MALRD1: variants seen among roughly 807,000 people sequenced by gnomAD.
MALRD1 encodes the protein MAM and LDL-receptor class A domain-containing protein 1.
Under a neutral mutation model 242.1 loss-of-function variants are expected in MALRD1, and 247 were observed. The observed-to-expected ratio is 1.02, with a 90% CI of 0.92 to 1.13. The LOEUF is 1.13. MALRD1 is among the 50% of genes most tolerant of loss of function. The pLI is 0.00. For synonymous variants in MALRD1, 995 were observed against 866.6 expected, an observed-to-expected ratio of 1.15 and a Z score of -2.60; for missense variants, 2,989 against 2,533.1, an observed-to-expected ratio of 1.18 and a Z score of -3.86.
At chr10:19,103,894 G>A in intron 4 of MALRD1, 85 bp from the exon 5 acceptor site, 1 of 753,884 alleles carries the variant, frequency 1.3e-6, no homozygotes, top group Non-Finnish European at 1.8e-6. Flanking sequence ...GCTTCCTATT[G>A]CAGGCTCTCT....
At chr10:19,148,786 A>ATATATATATATATATATATATATAT (rs1220802758) in intron 11 of MALRD1, among the ~76,000 whole-genome samples, 3 of 68,192 alleles carry the variant, frequency 4.4e-5, no homozygotes, top group Admixed American at 1.2e-4. Flanking sequence ...AAAAAAAAAA[A>ATATATATATATATATATATATATAT]AAATATATAT....
At chr10:19,135,336 A>G (rs569632412) in intron 9 of MALRD1, among the ~76,000 whole-genome samples, 13 of 152,152 alleles carry the variant, frequency 8.5e-5, no homozygotes, top group African/African-American at 2.4e-4. Flanking sequence ...TTGTATTTTT[A>G]GTAGAGATGG....
chr10:19,267,940 G>A (rs965634230), intron 19 of MALRD1, among the ~76,000 whole-genome samples: 5 of 152,062 alleles, frequency 3.3e-5, no homozygotes, highest in South Asian at 2.1e-4. Context: ...CAAAGTCTGC[G>A]ATATGTTCAA....
intron 18 of MALRD1, among the ~76,000 whole-genome samples, chr10:19,237,701 A>G (rs1838416018): frequency 8.7e-6 from 1 of 114,612 alleles, no homozygotes; most frequent in Non-Finnish European, 1.7e-5. Context: ...TAAATACATA[A>G]TTATATATAT....
intron 39 of MALRD1, among the ~76,000 whole-genome samples, chr10:19,731,898 A>T (rs1388011785): frequency 6.6e-6 from 1 of 152,218 alleles, no homozygotes; most frequent in East Asian, 1.9e-4. Context: ...TATGAAAATG[A>T]GTAGCAAGGT....
At chr10:19,178,786 C>T (rs1835368583) in intron 14 of MALRD1, among the ~76,000 whole-genome samples, 1 of 152,128 alleles carries the variant, frequency 6.6e-6, no homozygotes, top group African/African-American at 2.4e-5. Context: ...GGAAGATACG[C>T]GATTTTCCAA....
intron 18 of MALRD1, among the ~76,000 whole-genome samples, chr10:19,223,971 C>G (rs1837672501): frequency 6.6e-6 from 1 of 152,102 alleles, no homozygotes; most frequent in East Asian, 1.9e-4. Context: ...GGGTTGGTTC[C>G]TAGTCTTTTC....
Position 19,136,632 on chromosome 10 carries a change from G to A in MALRD1, c.1262G>A (p.Trp421Ter). 8 of 1,231,586 alleles carry A rather than the reference G, an allele frequency of 6.5e-6. No individual in the cohort carries two copies. The highest frequency in any genetic ancestry group is 8.1e-6 in the Non-Finnish European group (8 of 987,946). The allele number at this position is 1,231,586 out of a possible 1,614,324, so 76.3% of individuals were successfully genotyped here. A position where few individuals can be genotyped will look rare whatever the true frequency, so the allele number is the denominator to read the frequency against. The change falls in exon 10 of 40, where the codon TGG becomes TAG. Residue 421 changes from tryptophan (W) to a stop codon, truncating the protein, a stop_gained. Transcript: ENST00000454679. LOFTEE classifies it high-confidence loss of function. ...AGTTTTATTGCCCTTGATCACCTCT[G>A]GGTCTATGCCTGTGGACAGACCCAA... ...QRSFIALDHL[W>*]VYACGQTQSR...
intron 38 of MALRD1, among the ~76,000 whole-genome samples, chr10:19,697,696 C>T (rs1402122586): frequency 1.3e-5 from 2 of 152,154 alleles, no homozygotes; most frequent in South Asian, 2.1e-4. Flanking sequence ...ATATTGGTGG[C>T]ATTATGCCAC....
intron 36 of MALRD1, among the ~76,000 whole-genome samples, chr10:19,640,724 A>C (rs1472550468): frequency 1.3e-5 from 2 of 152,138 alleles, no homozygotes; most frequent in Non-Finnish European, 1.5e-5. Context: ...TTTCTTTTAA[A>C]ATTTCATTTT....
At chr10:19,313,341 A>G (rs1333531424) in intron 21 of MALRD1, among the ~76,000 whole-genome samples, 1 of 151,432 alleles carries the variant, frequency 6.6e-6, no homozygotes, top group Non-Finnish European at 1.5e-5. Context: ...TAAGCAATTA[A>G]CTTAAAAGCC....
Position 19,275,830 on chromosome 10 carries a change from A to T in MALRD1, c.3080-4217A>T, listed in dbSNP as rs565867014. On this transcript the variant is annotated intron_variant, in intron 19 of 39. Coordinates refer to ENST00000454679, the MANE Select transcript of MALRD1 (RefSeq NM_001142308.3). The stretch of plus-strand genomic sequence containing the variant: ...TAGCTGTTTATTGAAGTTTCTGTGT[A>T]TTAAGGTAAGATGATTAATTGTAAA... Among the ~76,000 whole-genome samples the T allele has an allele frequency of 2.6e-5, 4 of 152,312 alleles. No individual in the cohort carries two copies. The South Asian group carries it at 8.3e-4, about 32-fold the overall frequency.
rs115694771 is a variant in MALRD1 at position 19,164,446 on chromosome 10, A to G, written c.1657-1191A>G. 8.6e-3 allele frequency among the ~76,000 whole-genome samples: 1,314 copies of G among 152,308 alleles called. 13 individuals carry two copies. The highest frequency in any genetic ancestry group is 0.03 in the African/African-American group (1,245 of 41,572). On this transcript the variant is annotated intron_variant, in intron 12 of 39. Transcript: ENST00000454679. The stretch of plus-strand genomic sequence containing the variant: ...TTTTTTAAAAAGAATTTAAAATATA[A>G]TGAACCTGAAAAAATGTCACTGAAT...
intron 21 of MALRD1, among the ~76,000 whole-genome samples, chr10:19,297,945 A>G (rs543256544): frequency 6.6e-6 from 1 of 152,158 alleles, no homozygotes; most frequent in East Asian, 1.9e-4. Context: ...ATAAATGATT[A>G]TTTTATTATA....
intron 28 of MALRD1, among the ~76,000 whole-genome samples, chr10:19,422,478 A>G: frequency 6.6e-6 from 1 of 152,194 alleles, no homozygotes; most frequent in East Asian, 1.9e-4. Flanking sequence ...GACAAAATGT[A>G]AGAGAGGATA....
intron 5 of MALRD1, among the ~76,000 whole-genome samples, chr10:19,110,341 A>T (rs932508361): frequency 6.6e-6 from 1 of 152,214 alleles, no homozygotes. Context: ...AGCTGCTTCT[A>T]ACACTGGAAC....
At chr10:19,182,214 G>A (rs190087255) in intron 14 of MALRD1, among the ~76,000 whole-genome samples, 50 of 151,344 alleles carry the variant, frequency 3.3e-4, no homozygotes, top group Non-Finnish European at 6.0e-4. Flanking sequence ...CTTTTAATCA[G>A]CAAAACAAAT....
Position 19,734,221 on chromosome 10 carries a change from C to T in MALRD1, c.6455C>T (p.Ser2152Leu), listed in dbSNP as rs1018952357. The T allele has an allele frequency of 5.2e-6, 8 of 1,535,620 alleles. No individual in the cohort carries two copies. Among genetic ancestry groups the T allele is most frequent in the East Asian group, 2.4e-5 (1 of 40,896 alleles). ...ACATCAGGAAGCCTGGAGACCCTGT[C>T]ACATCATCTCAAATAGCAGCATCGA... ...GTTSGSLETL[S>L]HHLK Residue 2152 changes from serine (S) to leucine (L), a missense_variant, in exon 40 of 40, where the codon TCA becomes TTA. Coordinates refer to ENST00000454679, the MANE Select transcript of MALRD1 (RefSeq NM_001142308.3).
intron 4 of MALRD1, among the ~76,000 whole-genome samples, chr10:19,100,125 C>T (rs1177927706): frequency 1.3e-5 from 2 of 151,932 alleles, no homozygotes; most frequent in East Asian, 3.9e-4. Context: ...CAGATTGTAA[C>T]CCAAATCCTT....
Sources: gnomAD v4.1 joint callset for allele counts (sites outside exome capture counted in the v4.1 genomes callset) on GRCh38, gnomAD v4.1.1 for gene constraint, MANE v1.5 for transcripts, NCBI Gene and HGNC (gene_info 2026-07-23, HGNC 2026-07-21) for gene names.